The following ENO1 variants were observed in gnomAD, a reference collection of about 807,000 sequenced individuals.
ENO1 encodes enolase 1, also known as alpha-enolase.
Under a neutral mutation model 46.3 loss-of-function variants are expected in ENO1, and 33 were observed. The observed-to-expected ratio is 0.71, with a 90% CI of 0.54 to 0.95. The LOEUF is 0.95. Among genes scored for constraint, ENO1 ranks in the 40% least tolerant of loss-of-function variants. ENO1 has a pLI of 0.00. For synonymous variants in ENO1, 220 were observed against 216.0 expected (o/e 1.02, Z -0.16); for missense variants, 488 against 553.3 (o/e 0.88, Z 1.18).
chr1:8,874,972 T>C (rs1409389657), intron 1 of ENO1, 55 bp from the exon 2 acceptor site: 13 of 1,447,110 alleles, frequency 9.0e-6, no homozygotes, highest in Non-Finnish European at 1.2e-5. Flanking sequence ...CTGCATTTCC[T>C]CACTCATTCA....
At chr1:8,867,049 T>C (rs1301123065) in intron 6 of ENO1, 68 bp downstream of exon 6, 12 of 1,577,730 alleles carry the variant, frequency 7.6e-6, no homozygotes, top group Non-Finnish European at 5.2e-6. Context: ...GCATAGGAGG[T>C]CTCGGGTCCC....
At chr1:8,863,812 C>T in intron 9 of ENO1, 79 bp downstream of exon 9, 7 of 1,477,856 alleles carry the variant, frequency 4.7e-6, no homozygotes, top group East Asian at 2.3e-5. Context: ...CAGGATTCCC[C>T]ATCACCAGAA....
chr1:8,872,795 A>G (rs1569917922), intron 2 of ENO1, among the ~76,000 whole-genome samples: 1 of 152,298 alleles, frequency 6.6e-6, no homozygotes, highest in East Asian at 1.9e-4. Context: ...TAGGGGTTCT[A>G]TGCCCAACTG....
chr1:8,874,935 A>G lies in ENO1; in HGVS notation c.-9-18T>C. On this transcript the variant is annotated intron_variant, in intron 1 of 11. Transcript: ENST00000234590. ...GTGAACTTCTGTAGAAGAAACACACAGTTCATGTTTTCCATAAGCCATAAT... is the reference window on the plus strand; with the variant it reads ...GTGAACTTCTGTAGAAGAAACACACGGTTCATGTTTTCCATAAGCCATAAT... 1.3e-6 allele frequency: 2 copies of G among 1,596,722 alleles called. No individual in the cohort carries two copies. The highest frequency in any genetic ancestry group is 1.1e-5 in the South Asian group (1 of 90,014).
intron 11 of ENO1, among the ~76,000 whole-genome samples, 183 bp downstream of exon 11, chr1:8,862,704 G>A (rs559405005): frequency 6.6e-6 from 1 of 152,332 alleles, no homozygotes; most frequent in African/African-American, 2.4e-5. Context: ...GGGTGGGTAG[G>A]GGGAGTCTAG....
rs181590941 is a variant in ENO1 at position 8,868,583 on chromosome 1, G to C, written c.241-526C>G. 7.2e-5 allele frequency among the ~76,000 whole-genome samples: 11 copies of C among 152,344 alleles called. No individual in the cohort carries two copies. In the East Asian group the frequency reaches 2.1e-3, roughly 29 times the overall value. On this transcript the variant is annotated intron_variant, in intron 4 of 11. Transcript: ENST00000234590. ...GAAATCATTTAGCAAAGCGTCTAAT[G>C]ATGGATCAAAATGAATTTTTGATGA...
chr1:8,874,139 T>A (rs1642688218), intron 2 of ENO1, among the ~76,000 whole-genome samples: 1 of 152,164 alleles, frequency 6.6e-6, no homozygotes, highest in Non-Finnish European at 1.5e-5. Context: ...TACCATCCTA[T>A]CACACTGTAT....
chr1:8,861,151 C>G lies in ENO1; in HGVS notation c.*209G>C. The stretch of plus-strand genomic sequence containing the variant: ...AAAACAATGACTTGGGCCAATTACA[C>G]GACTGCAAAGCTAGAGCTGCCAACA... On this transcript the variant is annotated 3_prime_UTR_variant, in exon 12 of 12. Coordinates refer to ENST00000234590, the MANE Select transcript of ENO1 (RefSeq NM_001428.5). 1 of 531,416 alleles carries G rather than the reference C, an allele frequency of 1.9e-6. No individual in the cohort carries two copies. Among genetic ancestry groups the G allele is most frequent in the Non-Finnish European group, 3.3e-6 (1 of 298,818 alleles). The allele number at this position is 531,416 out of a possible 1,614,324, so 32.9% of individuals were successfully genotyped here.
Position 8,875,352 on chromosome 1 carries a change from C to G in ENO1, c.-9-435G>C, listed in dbSNP as rs140941875. Among the ~76,000 whole-genome samples the G allele has an allele frequency of 1.2e-3, 189 of 151,546 alleles. 2 individuals are homozygous for G. The highest frequency in any genetic ancestry group is 6.8e-3 in the Middle Eastern group (2 of 294). On this transcript the variant is annotated intron_variant, in intron 1 of 11. Coordinates refer to ENST00000234590, the MANE Select transcript of ENO1 (RefSeq NM_001428.5). ...GAAAAAGCCCACAAACGTGTGTGCC[C>G]AGGGAGAATCAAATCCAAATAGAAA...
chr1:8,875,192 T>C (rs928981729), intron 1 of ENO1, among the ~76,000 whole-genome samples: 1 of 152,144 alleles, frequency 6.6e-6, no homozygotes, highest in Non-Finnish European at 1.5e-5. Flanking sequence ...GGAGTTACTT[T>C]TATCCGACTG....
Position 8,861,344 on chromosome 1 carries a change from CT to C in ENO1, c.*15del. Reference sequence around the variant, plus strand: ...GTGTAGCCAACAGGTGACCGAAGGGCTTGCCTGCCCACAGCTTACTTGGCCA... The same window carrying C: ...GTGTAGCCAACAGGTGACCGAAGGGCTGCCTGCCCACAGCTTACTTGGCCA... On this transcript the variant is annotated 3_prime_UTR_variant, in exon 12 of 12. Transcript: ENST00000234590. 1 of 1,613,364 alleles carries C rather than the reference CT, an allele frequency of 6.2e-7. No individual in the cohort carries two copies. Among genetic ancestry groups the C allele is most frequent in the Non-Finnish European group, 8.5e-7 (1 of 1,179,950 alleles).
At chr1:8,862,848 G>A in intron 11 of ENO1, 39 bp downstream of exon 11, 2 of 1,609,566 alleles carry the variant, frequency 1.2e-6, no homozygotes, top group Non-Finnish European at 1.7e-6. Flanking sequence ...CCCCCACCTA[G>A]TGAACCACAG....
rs1207650916 is a variant in ENO1, at chr1:8,869,828, G to A, written c.240+624C>T. ...ACACACCTCAGCTTCCCAAAGTGCT[G>A]GGATTACAGGTGTGAGCCACTGCAC... is the stretch of plus-strand genomic sequence containing the variant. On this transcript the variant is annotated intron_variant, in intron 4 of 11. Coordinates refer to ENST00000234590, the MANE Select transcript of ENO1 (RefSeq NM_001428.5). 2.0e-5 allele frequency among the ~76,000 whole-genome samples: 3 copies of A among 152,300 alleles called. No homozygotes were observed. In the Middle Eastern group the frequency reaches 0.01, roughly 522 times the overall value.
At chr1:8,863,118 C>T (rs773712382) in intron 10 of ENO1, 117 bp downstream of exon 10, 3 of 1,379,410 alleles carry the variant, frequency 2.2e-6, no homozygotes, top group Non-Finnish European at 3.0e-6. Flanking sequence ...GCCTCAGAAA[C>T]AAGAGCACTG....
Position 8,861,390 on chromosome 1 carries a change from G to A in ENO1, c.1275C>T (p.Gly425=), listed in dbSNP as rs1324488114. 1.2e-6 allele frequency: 2 copies of A among 1,614,076 alleles called. No individual in the cohort carries two copies. The highest frequency in any genetic ancestry group is 1.7e-6 in the Non-Finnish European group (2 of 1,180,004). Residue 425 remains glycine (G), a synonymous_variant, in exon 12 of 12, where the codon GGC becomes GGT. Transcript: ENST00000234590. ...EELGSKAKFA[G]RNFRNPLAK ...TGGCCAAGGGGTTTCTGAAGTTCCT[G>A]CCGGCAAACTTAGCCTTGCTGCCCA...
At position 8,878,633 on chromosome 1, in the gene ENO1, C is replaced by T. The variant is rs1340202896; in HGVS notation, c.-63G>A. 1 of 455,978 alleles carries T rather than the reference C, an allele frequency of 2.2e-6. No individual in the cohort carries two copies. The highest frequency in any genetic ancestry group is 2.0e-5 in the African/African-American group (1 of 50,084). 28.2% of individuals were successfully genotyped at this position (455,978 alleles called of 1,614,324 possible). A position where few individuals can be genotyped will look rare whatever the true frequency, so the allele number is the denominator to read the frequency against. ...AGGAAGCGGAGGGTGCTGCAGACACCGAGGTGAACGTAAAGCCGGCGAGAT... is the reference window on the plus strand; with the variant it reads ...AGGAAGCGGAGGGTGCTGCAGACACTGAGGTGAACGTAAAGCCGGCGAGAT... On this transcript the variant is annotated 5_prime_UTR_variant, in exon 1 of 12. Transcript: ENST00000234590.
intron 1 of ENO1, 103 bp from the exon 2 acceptor site, chr1:8,875,020 A>T: frequency 1.1e-6 from 1 of 900,782 alleles, no homozygotes; most frequent in Non-Finnish European, 1.7e-6. Context: ...AGAGAGAATC[A>T]GCACTGGACT....
chr1:8,870,409 C>T, intron 4 of ENO1, 43 bp downstream of exon 4: 1 of 1,613,760 alleles, frequency 6.2e-7, no homozygotes, highest in South Asian at 1.1e-5. Context: ...GGGAGACGCT[C>T]TGGTGGCATT....
chr1:8,874,417 A>C (rs1018892503), intron 2 of ENO1, among the ~76,000 whole-genome samples: 1 of 151,876 alleles, frequency 6.6e-6, no homozygotes, highest in African/African-American at 2.4e-5. Flanking sequence ...GTCTCTCCCA[A>C]AAATGCAAAA....
Sources: allele counts gnomAD v4.1 joint callset (sites outside exome capture counted in the v4.1 genomes callset), GRCh38; gene constraint gnomAD v4.1.1; transcripts MANE v1.5; gene names NCBI Gene and HGNC (gene_info 2026-07-23, HGNC 2026-07-21).